Variants in ADGRD1 observed in about 807,000 individuals in gnomAD.
The protein encoded by ADGRD1 is G-protein coupled receptor 133.
A neutral mutation model predicts 113.4 loss-of-function variants in ADGRD1; 77 were observed. That is an observed-to-expected ratio of 0.68 (90% CI 0.57 to 0.82). The LOEUF is 0.82. ADGRD1 is among the 40% of genes least tolerant of loss of function. The pLI is 0.00. For missense variants in ADGRD1, 1,036 were observed against 1,139.1 expected, an observed-to-expected ratio of 0.91 and a Z score of 1.30; for synonymous variants, 474 against 475.0, an observed-to-expected ratio of 1.00 and a Z score of 0.03.
In ADGRD1 at chr12:131,006,195, A is replaced by G. The variant is rs559103422; in HGVS notation, c.1331+148A>G. On this transcript the variant is annotated intron_variant, in intron 12 of 24. Transcript: ENST00000261654. The stretch of plus-strand genomic sequence containing the variant: ...TTCACTGCTCGGGCAAGGAAACGTG[A>G]AGCGTTTTGAAGGCCACTTGGGAAC... The G allele has an allele frequency of 5.7e-6, 4 of 702,222 alleles. No individual in the cohort carries two copies. In the Admixed American group the frequency reaches 9.3e-5, roughly 16 times the overall value. 43.5% of individuals were successfully genotyped at this position (702,222 alleles called of 1,614,324 possible).
chr12:131,071,387 A>G (rs1885158147), intron 13 of ADGRD1, among the ~76,000 whole-genome samples: 1 of 146,242 alleles, frequency 6.8e-6, no homozygotes, highest in Non-Finnish European at 1.5e-5. Flanking sequence ...ATGTGCAAGG[A>G]AGGTGGGGCT....
intron 17 of ADGRD1, among the ~76,000 whole-genome samples, chr12:131,106,757 C>T (rs1207456366): frequency 2.6e-5 from 4 of 152,164 alleles, no homozygotes; most frequent in Non-Finnish European, 5.9e-5. Context: ...GCAGCAAGCA[C>T]CTCCCTCACA....
chr12:131,032,728 A>C (rs1880923778), intron 13 of ADGRD1, among the ~76,000 whole-genome samples: 1 of 133,100 alleles, frequency 7.5e-6, no homozygotes, highest in African/African-American at 2.9e-5. Context: ...GATGACGTTT[A>C]TTAGAGAAAT....
At chr12:130,991,488 C>T (rs1032460521) in intron 7 of ADGRD1, among the ~76,000 whole-genome samples, 5 of 152,088 alleles carry the variant, frequency 3.3e-5, no homozygotes, top group Admixed American at 6.6e-5. Flanking sequence ...TTCTTGAGAA[C>T]GTTAATATAA....
chr12:130,985,771 C>T (rs186907490), intron 5 of ADGRD1, among the ~76,000 whole-genome samples: 3 of 152,096 alleles, frequency 2.0e-5, no homozygotes, highest in East Asian at 1.9e-4. Flanking sequence ...AGGCTGGTCT[C>T]GAACTCCTGA....
chr12:131,053,292 C>T (rs562103688), intron 13 of ADGRD1, among the ~76,000 whole-genome samples: 2 of 152,386 alleles, frequency 1.3e-5, no homozygotes, highest in South Asian at 4.1e-4. Context: ...GTGCTGTGAA[C>T]ATTTGCACCC....
chr12:131,123,038 A>ATTTTT (rs1950636788), intron 20 of ADGRD1, among the ~76,000 whole-genome samples: 2 of 35,386 alleles, frequency 5.7e-5, no homozygotes, highest in Non-Finnish European at 5.9e-5. Context: ...TTACCTGGGG[A>ATTTTT]GTTTTTTTTT....
At chr12:131,072,054 C>T (rs950024411) in intron 13 of ADGRD1, among the ~76,000 whole-genome samples, 2 of 150,722 alleles carry the variant, frequency 1.3e-5, no homozygotes, top group African/African-American at 2.4e-5. Flanking sequence ...CAGATCCCCA[C>T]GCAATTCAGA....
At position 130,987,285 on chromosome 12, in the gene ADGRD1, G is replaced by C; in HGVS notation, c.681G>C (p.Glu227Asp). Residue 227 changes from glutamate (E) to aspartate (D), a missense_variant, in exon 6 of 25, where the codon GAG becomes GAC. Glu to Asp is a conservative substitution (Grantham distance 45). Transcript: ENST00000261654. The part of the protein sequence containing the change: ...AKCYENGAFD[E>D]FIIWERALTP... ...GTTATGAGAACGGTGCTTTCGATGAGTTCATCATCTGGGAGCGGGCTCTGA... is the reference window on the plus strand; with the variant it reads ...GTTATGAGAACGGTGCTTTCGATGACTTCATCATCTGGGAGCGGGCTCTGA... 6.2e-7 allele frequency: 1 copy of C among 1,614,174 alleles called. No homozygotes were observed. Among genetic ancestry groups the C allele is most frequent in the Non-Finnish European group, 8.5e-7 (1 of 1,180,024 alleles).
At chr12:130,977,872 GTGGGCC>G (rs755713075) in intron 4 of ADGRD1, 18 of 152,464 alleles carry the variant, frequency 1.2e-4, no homozygotes, top group Non-Finnish European at 2.6e-4. Flanking sequence ...TGCTGAGTCT[GTGGGCC>G]TGGGAAGGGC....
chr12:130,993,006 G>A (rs1160704712), intron 8 of ADGRD1, among the ~76,000 whole-genome samples: 1 of 152,144 alleles, frequency 6.6e-6, no homozygotes. Flanking sequence ...CACCTTGAAA[G>A]CACAGCATAT....
Position 131,008,796 on chromosome 12 carries a change from C to T in ADGRD1, c.1331+2749C>T, listed in dbSNP as rs189907835. Reference sequence around the variant, plus strand: ...GGCTGAGACTGGCCTGCTCCCAGTCCTCCTGTGAAGATGGAAGCCACAGCC... The same window carrying T: ...GGCTGAGACTGGCCTGCTCCCAGTCTTCCTGTGAAGATGGAAGCCACAGCC... On this transcript the variant is annotated intron_variant, in intron 12 of 24. Coordinates refer to ENST00000261654, the MANE Select transcript of ADGRD1 (RefSeq NM_198827.5). 3.0e-3 allele frequency among the ~76,000 whole-genome samples: 451 copies of T among 152,346 alleles called. 5 individuals are homozygous for T. Among genetic ancestry groups the T allele is most frequent in the African/African-American group, 0.01 (435 of 41,576 alleles).
At chr12:130,964,065 T>C (rs1212349137) in intron 2 of ADGRD1, among the ~76,000 whole-genome samples, 1 of 152,194 alleles carries the variant, frequency 6.6e-6, no homozygotes, top group East Asian at 1.9e-4. Flanking sequence ...TTTTTATTTC[T>C]TTTTCATTGA....
rs1027421990 is a variant in ADGRD1 at position 130,966,797 on chromosome 12, T to TG, written c.187+251_187+252insG. 5.7e-5 allele frequency: 27 copies of TG among 473,298 alleles called. No homozygotes were observed. Among genetic ancestry groups the TG allele is most frequent in the African/African-American group, 5.3e-4 (27 of 50,574 alleles). The allele number at this position is 473,298 out of a possible 1,614,324, so 29.3% of individuals were successfully genotyped here. ...CCGTAATAGTTATTTCAAAGCTTTT[T>TG]TTTTTGTAGAGATGGGGTCTTGCTA... On this transcript the variant is annotated intron_variant, in intron 3 of 24. Coordinates refer to ENST00000261654, the MANE Select transcript of ADGRD1 (RefSeq NM_198827.5). This position sits in a 1 kb window ranked among gnomAD's most constrained non-coding sequence, Gnocchi z 4.6.
At chr12:130,996,710 AC>A (rs1274699550) in intron 8 of ADGRD1, among the ~76,000 whole-genome samples, 1 of 54,340 alleles carries the variant, frequency 1.8e-5, no homozygotes, top group African/African-American at 7.6e-5. Flanking sequence ...CGGGGGGCTG[AC>A]CCCCCCACCA....
intron 7 of ADGRD1, among the ~76,000 whole-genome samples, chr12:130,991,666 G>A (rs572415003): frequency 1.3e-5 from 2 of 152,290 alleles, no homozygotes; most frequent in East Asian, 3.9e-4. Context: ...TCACAAAAGT[G>A]TCAGATACAT....
intron 8 of ADGRD1, among the ~76,000 whole-genome samples, chr12:130,995,443 C>T (rs1875120077): frequency 6.6e-6 from 1 of 152,244 alleles, no homozygotes; most frequent in Non-Finnish European, 1.5e-5. Context: ...TGCTGCTTTT[C>T]TTCCTTCTCT....
At chr12:131,088,933 C>T (rs141190918) in intron 15 of ADGRD1, among the ~76,000 whole-genome samples, 1,642 of 152,196 alleles carry the variant, frequency 0.011, 13 homozygotes, top group Middle Eastern at 0.017. Context: ...AGATGCAGAC[C>T]CCACATTCAG....
chr12:131,072,655 A>G lies in ADGRD1; in HGVS notation c.1474-4146A>G, dbSNP rs547033923. ...TCTGTGGTCAGGACTTATTCCATTG[A>G]AAGGACAGACCCCTTCAAGCTGCCT... On this transcript the variant is annotated intron_variant, in intron 13 of 24. Transcript: ENST00000261654. 3.9e-5 allele frequency among the ~76,000 whole-genome samples: 6 copies of G among 152,348 alleles called. No individual in the cohort carries two copies. The South Asian group carries it at 8.3e-4, about 21-fold the overall frequency.
Sources: gnomAD v4.1 joint callset for allele counts (sites outside exome capture counted in the v4.1 genomes callset) on GRCh38, gnomAD v4.1.1 for gene constraint, Gnocchi (gnomAD v3.1) non-coding constraint, MANE v1.5 for transcripts, NCBI Gene and HGNC (gene_info 2026-07-23, HGNC 2026-07-21) for gene names.